CCBE1: variants seen among roughly 807,000 people sequenced by gnomAD.
The protein encoded by CCBE1 is collagen and calcium-binding EGF domain-containing protein 1.
In CCBE1, 37 loss-of-function variants were observed where a neutral mutation model predicts 50.0. The observed-to-expected ratio is 0.74, with a 90% CI of 0.57 to 0.97. CCBE1 has a LOEUF of 0.97. Among genes scored for constraint, CCBE1 ranks in the 50% least tolerant of loss-of-function variants. The probability of loss-of-function intolerance (pLI) is 0.00; values close to 1 mark genes in which losing one functional copy is unlikely to be tolerated. For missense variants in CCBE1, 538 were observed against 523.8 expected (o/e 1.03, Z -0.26); for synonymous variants, 234 against 203.7 (o/e 1.15, Z -1.27).
At chr18:59,517,356 G>A (rs1195329357) in intron 2 of CCBE1, among the ~76,000 whole-genome samples, 1 of 152,134 alleles carries the variant, frequency 6.6e-6, no homozygotes, top group South Asian at 2.1e-4. Context: ...GCTACCTTGG[G>A]GTCCAAGTTC....
intron 5 of CCBE1, among the ~76,000 whole-genome samples, chr18:59,458,820 G>A (rs1169691973): frequency 6.6e-6 from 1 of 152,196 alleles, no homozygotes; most frequent in African/African-American, 2.4e-5. Context: ...GCTGTTTTCT[G>A]TTCCTTTGTG....
At chr18:59,645,324 A>T (rs1317420566) in intron 2 of CCBE1, among the ~76,000 whole-genome samples, 1 of 152,232 alleles carries the variant, frequency 6.6e-6, no homozygotes, top group Non-Finnish European at 1.5e-5. Flanking sequence ...ACTTCTGAAA[A>T]CCAGCACTTT....
At chr18:59,483,352 G>C (rs1449400133) in intron 2 of CCBE1, among the ~76,000 whole-genome samples, 1 of 152,190 alleles carries the variant, frequency 6.6e-6, no homozygotes, top group East Asian at 1.9e-4. Flanking sequence ...GAAGTGTTCG[G>C]ATTTCAGATT....
intron 2 of CCBE1, among the ~76,000 whole-genome samples, chr18:59,650,514 C>A (rs903527052): frequency 1.3e-5 from 2 of 151,612 alleles, no homozygotes; most frequent in Non-Finnish European, 2.9e-5. Context: ...TGTTAGTGTG[C>A]GGGATAATCG....
At chr18:59,456,760 G>A (rs1454347386) in intron 5 of CCBE1, among the ~76,000 whole-genome samples, 1 of 152,184 alleles carries the variant, frequency 6.6e-6, no homozygotes, top group Admixed American at 6.5e-5. Context: ...CAGCCCGACT[G>A]CCCAGTCCTC....
chr18:59,578,632 T>A (rs539015446), intron 2 of CCBE1, among the ~76,000 whole-genome samples: 1 of 151,766 alleles, frequency 6.6e-6, no homozygotes, highest in Non-Finnish European at 1.5e-5. Context: ...AAAGGATGAG[T>A]TCACGTCCTT....
intron 2 of CCBE1, among the ~76,000 whole-genome samples, chr18:59,622,509 A>G (rs79857587): frequency 1.5e-4 from 10 of 67,546 alleles, no homozygotes; most frequent in African/African-American, 3.4e-4. Flanking sequence ...ATCTTAAAGA[A>G]AAAAAAAAAA....
chr18:59,637,849 C>A (rs2053934195), intron 2 of CCBE1, among the ~76,000 whole-genome samples: 1 of 152,118 alleles, frequency 6.6e-6, no homozygotes, highest in African/African-American at 2.4e-5. Flanking sequence ...AATTAAAAAT[C>A]TTTTTACAAA....
chr18:59,593,829 T>C (rs1455718281), intron 2 of CCBE1, among the ~76,000 whole-genome samples: 3 of 152,240 alleles, frequency 2.0e-5, no homozygotes, highest in Non-Finnish European at 2.9e-5. Context: ...TGACAACCCA[T>C]TGGTCACTGC....
intron 2 of CCBE1, among the ~76,000 whole-genome samples, chr18:59,687,625 G>A (rs1193101239): frequency 1.3e-5 from 2 of 152,162 alleles, no homozygotes; most frequent in Non-Finnish European, 2.9e-5. Flanking sequence ...GTCTCCATGA[G>A]CTTTGTGGAA....
chr18:59,686,639 G>T (rs1212697444), intron 2 of CCBE1, among the ~76,000 whole-genome samples: 1 of 152,008 alleles, frequency 6.6e-6, no homozygotes, highest in Non-Finnish European at 1.5e-5. Flanking sequence ...TATTTTTTGT[G>T]ATGTTTTCTT....
chr18:59,590,995 A>AGAT (rs1358154757), intron 2 of CCBE1, among the ~76,000 whole-genome samples: 3 of 97,938 alleles, frequency 3.1e-5, no homozygotes, highest in African/African-American at 6.2e-5. Flanking sequence ...TTGTAATCCC[A>AGAT]GCACTTTGGG....
At chr18:59,605,325 G>A (rs532414761) in intron 2 of CCBE1, among the ~76,000 whole-genome samples, 156 of 152,322 alleles carry the variant, frequency 1.0e-3, no homozygotes, top group Non-Finnish European at 1.7e-3. Flanking sequence ...CAGTCACAGC[G>A]ATAACAAGAG....
At chr18:59,441,850 G>A (rs1243767043) in intron 7 of CCBE1, among the ~76,000 whole-genome samples, 2 of 152,154 alleles carry the variant, frequency 1.3e-5, no homozygotes, top group African/African-American at 2.4e-5. Context: ...TCCAAAAGAG[G>A]TGAGATAATA....
chr18:59,552,046 A>G (rs747515252), intron 2 of CCBE1, among the ~76,000 whole-genome samples: 2 of 152,210 alleles, frequency 1.3e-5, no homozygotes, highest in Non-Finnish European at 2.9e-5. Context: ...GATGGAGGGT[A>G]TAAGATGGCC....
At chr18:59,480,146 T>G (rs760823799) in intron 3 of CCBE1, 40 bp downstream of exon 3, 2 of 1,253,672 alleles carry the variant, frequency 1.6e-6, no homozygotes, top group East Asian at 4.7e-5. Context: ...AATGATTAGT[T>G]GTGAATAAAG....
At chr18:59,608,878 C>T (rs888236786) in intron 2 of CCBE1, among the ~76,000 whole-genome samples, 2 of 152,164 alleles carry the variant, frequency 1.3e-5, no homozygotes, top group Non-Finnish European at 2.9e-5. Flanking sequence ...TTGAAGCAGT[C>T]GTCTATATGT....
In CCBE1 at chr18:59,694,165, C is replaced by T. The variant is rs144728529; in HGVS notation, c.212+2464G>A. Among the ~76,000 whole-genome samples the T allele has an allele frequency of 6.4e-3, 977 of 152,028 alleles. 6 individuals are homozygous for T. Among genetic ancestry groups the T allele is most frequent in the African/African-American group, 0.023 (941 of 41,374 alleles). ...GATTACAGGCATGAGCCACCGCACC[C>T]GGCCTAGTAACTTTTTTAAAGTCAT... is the stretch of plus-strand genomic sequence containing the variant. On this transcript the variant is annotated intron_variant, in intron 2 of 10. Transcript: ENST00000439986.
intron 2 of CCBE1, among the ~76,000 whole-genome samples, chr18:59,665,129 G>T (rs1480120497): frequency 6.6e-6 from 1 of 151,998 alleles, no homozygotes; most frequent in Admixed American, 6.6e-5. Context: ...ATTCTTCTTA[G>T]TGCATGTACA....
Sources: gnomAD v4.1 joint callset for allele counts (sites outside exome capture counted in the v4.1 genomes callset) on GRCh38, gnomAD v4.1.1 for gene constraint, MANE v1.5 for transcripts, NCBI Gene and HGNC (gene_info 2026-07-23, HGNC 2026-07-21) for gene names.